Variants in GCH1 observed in about 807,000 individuals in gnomAD.
The protein encoded by GCH1 is GTP cyclohydrolase 1.
Under a neutral mutation model 25.9 loss-of-function variants are expected in GCH1, and 5 were observed. The ratio of observed to expected loss-of-function variants is 0.19; its 90% CI spans 0.10 to 0.41. The LOEUF is 0.41. Ranked by LOEUF, GCH1 falls within the 10% of genes least tolerant of loss-of-function variation. The pLI is 1.00. For synonymous variants in GCH1, 159 were observed against 129.6 expected, an observed-to-expected ratio of 1.23 and a Z score of -1.54; for missense variants, 261 against 336.5, an observed-to-expected ratio of 0.78 and a Z score of 1.75.
intron 1 of GCH1, among the ~76,000 whole-genome samples, chr14:54,900,845 TCACACACACACACACACACACA>T (rs3221690): frequency 6.9e-6 from 1 of 144,634 alleles, no homozygotes; most frequent in East Asian, 2.1e-4. Flanking sequence ...GTGAAATATC[TCACACACACACACACACACACA>T]CACACACACA....
intron 1 of GCH1, among the ~76,000 whole-genome samples, chr14:54,902,054 G>A (rs2040573936): frequency 6.6e-6 from 1 of 152,158 alleles, no homozygotes; most frequent in Non-Finnish European, 1.5e-5. Flanking sequence ...GTTCTAGGAG[G>A]GCTGCGCGCT....
chr14:54,898,511 C>A (rs567237382), intron 1 of GCH1, among the ~76,000 whole-genome samples: 16 of 152,316 alleles, frequency 1.1e-4, no homozygotes, highest in Non-Finnish European at 1.9e-4. Flanking sequence ...AACTTTGACT[C>A]TTTTGTAATA....
At chr14:54,875,167 C>T (rs1010802878) in intron 1 of GCH1, among the ~76,000 whole-genome samples, 11 of 152,172 alleles carry the variant, frequency 7.2e-5, no homozygotes, top group Middle Eastern at 6.8e-3. Context: ...GAAGTAATGC[C>T]GCATATCTAC....
chr14:54,885,120 G>T, intron 1 of GCH1: 1 of 284,466 alleles, frequency 3.5e-6, no homozygotes. Flanking sequence ...TACAAACTCT[G>T]CCAGTGGTGA....
chr14:54,881,150 G>C (rs1433123427), intron 1 of GCH1, among the ~76,000 whole-genome samples: 1 of 151,676 alleles, frequency 6.6e-6, no homozygotes, highest in Non-Finnish European at 1.5e-5. Flanking sequence ...TTAAATTAAG[G>C]TCTTCATACA....
intron 3 of GCH1, among the ~76,000 whole-genome samples, chr14:54,857,157 C>T (rs1345556613): frequency 2.0e-5 from 3 of 152,272 alleles, no homozygotes; most frequent in Non-Finnish European, 4.4e-5. Flanking sequence ...AAGCAACATA[C>T]ACTTGGTTCT....
At chr14:54,872,095 G>A (rs2140085544) in intron 1 of GCH1, among the ~76,000 whole-genome samples, 1 of 152,334 alleles carries the variant, frequency 6.6e-6, no homozygotes, top group Non-Finnish European at 1.5e-5. Context: ...GGCAGCCAGA[G>A]AGAAAGGTCA....
intron 1 of GCH1, among the ~76,000 whole-genome samples, chr14:54,874,319 A>T: frequency 6.6e-6 from 1 of 152,352 alleles, no homozygotes; most frequent in East Asian, 1.9e-4. Context: ...CTCTCAATAA[A>T]TTAGGTATTG....
chr14:54,884,784 C>CAAA (rs1343336928), intron 1 of GCH1: 4 of 133,446 alleles, frequency 3.0e-5, no homozygotes, highest in African/African-American at 1.4e-4. Context: ...ACAACAACAA[C>CAAA]AACAACAACA....
intron 1 of GCH1, among the ~76,000 whole-genome samples, chr14:54,889,087 T>C (rs1219447658): frequency 2.0e-5 from 3 of 152,178 alleles, no homozygotes; most frequent in Non-Finnish European, 4.4e-5. Flanking sequence ...CACTAACAGC[T>C]GGAGGCTGTC....
chr14:54,870,521 C>T (rs548427264), intron 1 of GCH1, among the ~76,000 whole-genome samples: 17 of 152,216 alleles, frequency 1.1e-4, no homozygotes, highest in African/African-American at 4.1e-4. Flanking sequence ...GGGGGTGCAG[C>T]GCACCCAGTG....
At chr14:54,879,751 G>A (rs908064466) in intron 1 of GCH1, among the ~76,000 whole-genome samples, 5 of 152,056 alleles carry the variant, frequency 3.3e-5, no homozygotes, top group African/African-American at 9.7e-5. Context: ...TGTAATCCCA[G>A]CACGTTCGGA....
chr14:54,880,631 CAT>C (rs201012984), intron 1 of GCH1, among the ~76,000 whole-genome samples: 2 of 888 alleles, frequency 2.3e-3, no homozygotes, highest in Admixed American at 0.021. Context: ...ATATATACTC[CAT>C]ATATATATAC....
chr14:54,861,662 G>T (rs1386998033), intron 2 of GCH1, among the ~76,000 whole-genome samples: 2 of 151,490 alleles, frequency 1.3e-5, no homozygotes, highest in Middle Eastern at 6.8e-3. Flanking sequence ...GGCGGAGGTT[G>T]CAGTGAGCCG....
chr14:54,861,172 T>C lies in GCH1; in HGVS notation c.454-1436A>G, dbSNP rs1025655627. On this transcript the variant is annotated intron_variant, in intron 2 of 5. Coordinates refer to ENST00000491895, the MANE Select transcript of GCH1 (RefSeq NM_000161.3). Reference sequence around the variant, plus strand: ...TTTACATAATTGATCTAGTAGTACTTAGTGATTTTTTCCCCCATCCATTGG... The same window carrying C: ...TTTACATAATTGATCTAGTAGTACTCAGTGATTTTTTCCCCCATCCATTGG... 2.6e-5 allele frequency among the ~76,000 whole-genome samples: 4 copies of C among 152,204 alleles called. 1 individual carries two copies. Among genetic ancestry groups the C allele is most frequent in the Admixed American group, 2.0e-4 (3 of 15,282 alleles).
chr14:54,856,227 C>A (rs1374915528), intron 3 of GCH1, among the ~76,000 whole-genome samples: 1 of 152,156 alleles, frequency 6.6e-6, no homozygotes, highest in Non-Finnish European at 1.5e-5. Flanking sequence ...GTCTATTCAC[C>A]TGCCAGGCCA....
chr14:54,842,829 C>T lies in GCH1; in HGVS notation c.*1188G>A. 1 of 413,576 alleles carries T rather than the reference C, an allele frequency of 2.4e-6. No individual in the cohort carries two copies. The highest frequency in any genetic ancestry group is 4.3e-6 in the Non-Finnish European group (1 of 231,754). The allele number at this position is 413,576 out of a possible 1,614,324, so 25.6% of individuals were successfully genotyped here. ...AATTTTAAGATAATCATTAATAAGG[C>T]AACAGCTTCCAGGATTAAAATACCT... On this transcript the variant is annotated 3_prime_UTR_variant, in exon 6 of 6. Coordinates refer to ENST00000491895, the MANE Select transcript of GCH1 (RefSeq NM_000161.3).
In GCH1 at chr14:54,859,671, T is replaced by G; in HGVS notation, c.509+10A>C. The G allele has an allele frequency of 1.3e-6, 2 of 1,529,004 alleles. No individual in the cohort carries two copies. The highest frequency in any genetic ancestry group is 1.8e-6 in the Non-Finnish European group (2 of 1,102,554). 94.7% of individuals were successfully genotyped at this position (1,529,004 alleles called of 1,614,324 possible). A position where few individuals can be genotyped will look rare whatever the true frequency, so the allele number is the denominator to read the frequency against. On this transcript the variant is annotated intron_variant, in intron 3 of 5. Transcript: ENST00000491895. ...ACCTGTATTCTTGTTCACTGCACAG[T>G]CACACTTACCTCGCAAGTTTGCTGA...
intron 5 of GCH1, among the ~76,000 whole-genome samples, chr14:54,844,953 C>CT (rs2039617494): frequency 6.6e-6 from 1 of 152,188 alleles, no homozygotes; most frequent in Admixed American, 6.5e-5. Context: ...GGGCAGATCA[C>CT]TTGAGGTCAG....
Sources: allele counts gnomAD v4.1 joint callset (sites outside exome capture counted in the v4.1 genomes callset), GRCh38; gene constraint gnomAD v4.1.1; transcripts MANE v1.5; gene names NCBI Gene and HGNC (gene_info 2026-07-23, HGNC 2026-07-21).